The following TMCO6 variants were observed in gnomAD, a reference collection of about 807,000 sequenced individuals.
TMCO6 encodes the protein transmembrane and coiled-coil domain-containing protein 6.
A neutral mutation model predicts 61.8 loss-of-function variants in TMCO6; 47 were observed. The observed-to-expected ratio is 0.76, with a 90% CI of 0.60 to 0.97. The LOEUF is 0.97. Ranked by LOEUF, TMCO6 falls within the 50% of genes least tolerant of loss-of-function variation. The pLI is 0.00. For missense variants in TMCO6, 557 were observed against 601.6 expected (o/e 0.93, Z 0.78); for synonymous variants, 261 against 254.2 (o/e 1.03, Z -0.25).
chr5:140,623,171 AAACT>A, the TMCO6 span, among the ~76,000 whole-genome samples: 1 of 152,182 alleles, frequency 6.6e-6, no homozygotes, highest in African/African-American at 2.4e-5. Flanking sequence ...AGTCCTTTAA[AAACT>A]AACTGCCTAT....
chr5:140,632,048 C>T, the TMCO6 span: 1 of 1,614,208 alleles, frequency 6.2e-7, no homozygotes, highest in South Asian at 1.1e-5. The surrounding 1 kb of genome is among the most constrained non-coding windows in gnomAD (Gnocchi z 6.2). Context: ...CAGGCTGCGG[C>T]GCCCTGTTCA....
upstream of TMCO6, among the ~76,000 whole-genome samples, chr5:140,635,356 G>T (rs1430419018): frequency 1.3e-5 from 2 of 152,242 alleles, no homozygotes; most frequent in Non-Finnish European, 2.9e-5. Flanking sequence ...TCTGTAAAAT[G>T]GAGATGATAG....
At chr5:140,639,698 T>C (rs1362460390) in intron 1 of TMCO6, 41 bp from the exon 2 acceptor site, 2 of 1,557,314 alleles carry the variant, frequency 1.3e-6, no homozygotes, top group Non-Finnish European at 1.7e-6. Context: ...TTCTGGGTTG[T>C]GGTCGTCCTT....
At chr5:140,643,480 A>C in intron 7 of TMCO6, 84 bp from the exon 8 acceptor site, 1 of 1,305,254 alleles carries the variant, frequency 7.7e-7, no homozygotes, top group Non-Finnish European at 1.1e-6. Flanking sequence ...TACAGGCATA[A>C]GCCACCACGC....
chr5:140,635,194 C>T (rs1581451936), upstream of TMCO6, among the ~76,000 whole-genome samples: 1 of 152,250 alleles, frequency 6.6e-6, no homozygotes, highest in African/African-American at 2.4e-5. Flanking sequence ...TCCTGTTGGG[C>T]ATACCCCAAT....
At chr5:140,645,442 G>T, downstream of TMCO6, 3 of 1,040,278 alleles carry the variant, frequency 2.9e-6, no homozygotes, top group East Asian at 2.5e-5. Flanking sequence ...AAGGGGTAGA[G>T]GGTAGATGAG....
chr5:140,618,949 T>C, the TMCO6 span, among the ~76,000 whole-genome samples: 3 of 151,720 alleles, frequency 2.0e-5, no homozygotes, highest in Non-Finnish European at 4.4e-5. Context: ...AAAGGCAGAG[T>C]TCATAAAAGA....
chr5:140,605,637 G>A, the TMCO6 span, among the ~76,000 whole-genome samples: 9 of 151,402 alleles, frequency 5.9e-5, no homozygotes, highest in African/African-American at 1.2e-4. Context: ...CTGAGATCTC[G>A]TCGTTGCACT....
At chr5:140,647,502 G>A, downstream of TMCO6, 1 of 1,612,510 alleles carries the variant, frequency 6.2e-7, no homozygotes. Flanking sequence ...TGGCTGCCGG[G>A]CGAGCGCTGA....
chr5:140,602,543 C>T, the TMCO6 span, among the ~76,000 whole-genome samples: 1 of 151,830 alleles, frequency 6.6e-6, no homozygotes, highest in Non-Finnish European at 1.5e-5. Context: ...GCACGTGGAT[C>T]ACTTGAGGTC....
upstream of TMCO6, chr5:140,639,311 G>A: frequency 1.8e-6 from 1 of 567,718 alleles, no homozygotes; most frequent in East Asian, 3.1e-5. Flanking sequence ...CTCTGGCTCT[G>A]GTCTAGTGGT....
chr5:140,632,746 G>C, the TMCO6 span: 1 of 1,613,444 alleles, frequency 6.2e-7, no homozygotes, highest in Admixed American at 1.7e-5. The surrounding 1 kb of genome is among the most constrained non-coding windows in gnomAD (Gnocchi z 6.2). Flanking sequence ...GCATACTGCC[G>C]CGGGTCGGCG....
chr5:140,641,600 A>C, intron 2 of TMCO6, 65 bp from the exon 3 acceptor site: 4 of 1,400,290 alleles, frequency 2.9e-6, no homozygotes, highest in Non-Finnish European at 2.0e-6. Flanking sequence ...TGAAGTGGGC[A>C]GAGAGAGACT....
In TMCO6 at chr5:140,645,332, C is replaced by T. The variant is rs547270239; in HGVS notation, c.*234C>T. 198 of 734,002 alleles carry T rather than the reference C, an allele frequency of 2.7e-4. 1 individual carries two copies. The African/African-American group carries it at 2.9e-3, about 11-fold the overall frequency. 45.5% of individuals were successfully genotyped at this position (734,002 alleles called of 1,614,324 possible). On this transcript the variant is annotated 3_prime_UTR_variant, in exon 12 of 12. Transcript: ENST00000394671. ...TGGGGCCCTAGAATCCCTGCCCCCC[C>T]GCCACCCTTCATGTTTGCTTCAGCA...
the TMCO6 span, among the ~76,000 whole-genome samples, chr5:140,627,823 G>A: frequency 6.6e-6 from 1 of 151,306 alleles, no homozygotes; most frequent in Non-Finnish European, 1.5e-5. Context: ...TTGAACCTGG[G>A]AGGCAGAGGT....
At chr5:140,637,905 T>C (rs1005696943), upstream of TMCO6, among the ~76,000 whole-genome samples, 4 of 152,100 alleles carry the variant, frequency 2.6e-5, no homozygotes, top group African/African-American at 9.7e-5. Context: ...AACCAATGTC[T>C]TTCTCTCTTT....
chr5:140,609,899 G>A, the TMCO6 span, among the ~76,000 whole-genome samples: 24 of 151,738 alleles, frequency 1.6e-4, no homozygotes, highest in East Asian at 3.7e-3. Context: ...TTTTGAGACA[G>A]AGTCTCACTG....
At chr5:140,600,724 A>G in the TMCO6 span, among the ~76,000 whole-genome samples, 1 of 152,050 alleles carries the variant, frequency 6.6e-6, no homozygotes, top group Non-Finnish European at 1.5e-5. Context: ...CAGCCTCTCA[A>G]AAGTGCTGGG....
the TMCO6 span, among the ~76,000 whole-genome samples, chr5:140,626,996 C>T: frequency 6.6e-6 from 1 of 152,184 alleles, no homozygotes; most frequent in South Asian, 2.1e-4. Context: ...CATAAACCTG[C>T]CACAACTTGC....
Sources: allele counts gnomAD v4.1 joint callset (sites outside exome capture counted in the v4.1 genomes callset), GRCh38; gene constraint gnomAD v4.1.1; non-coding constraint Gnocchi (gnomAD v3.1); transcripts MANE v1.5; gene names NCBI Gene and HGNC (gene_info 2026-07-23, HGNC 2026-07-21).